PRKAG2: variants seen among roughly 807,000 people sequenced by gnomAD.
PRKAG2 encodes protein kinase AMP-activated non-catalytic subunit gamma 2, also known as 5'-AMP-activated protein kinase subunit gamma-2.
PRKAG2 carries 26 observed loss-of-function variants against 69.6 expected under a neutral mutation model. The observed-to-expected ratio is 0.37, with a 90% CI of 0.27 to 0.52. The LOEUF (loss-of-function observed/expected upper bound fraction) is 0.52. PRKAG2 is among the 20% of genes least tolerant of loss of function. The pLI is 0.90. For missense variants in PRKAG2, 557 were observed against 740.0 expected, an observed-to-expected ratio of 0.75 and a Z score of 2.87; for synonymous variants, 293 against 285.0, an observed-to-expected ratio of 1.03 and a Z score of -0.28.
chr7:151,743,691 C>T (rs1387701177), intron 3 of PRKAG2, among the ~76,000 whole-genome samples: 2 of 152,216 alleles, frequency 1.3e-5, no homozygotes, highest in African/African-American at 4.8e-5. Context: ...AGTTCCTCCA[C>T]GAGACTCAGG....
chr7:151,852,041 GAATGC>G, intron 1 of PRKAG2, among the ~76,000 whole-genome samples: 1 of 152,298 alleles, frequency 6.6e-6, no homozygotes, highest in Middle Eastern at 3.4e-3. Context: ...ATGTCTGGAA[GAATGC>G]CAGCCTCAAA....
At chr7:151,654,441 C>A (rs1829096661) in intron 4 of PRKAG2, among the ~76,000 whole-genome samples, 2 of 152,314 alleles carry the variant, frequency 1.3e-5, no homozygotes, top group Admixed American at 6.5e-5. Context: ...TGCCCCCAAA[C>A]CCTTCCTCCC....
chr7:151,576,981 CTTCT>C (rs539196281), intron 6 of PRKAG2, among the ~76,000 whole-genome samples: 1 of 99,968 alleles, frequency 1.0e-5, no homozygotes, highest in Non-Finnish European at 2.0e-5. Context: ...ATGCAATTAA[CTTCT>C]TTTTTTTTTC....
At chr7:151,574,341 C>A (rs987745840) in intron 8 of PRKAG2, among the ~76,000 whole-genome samples, 3 of 152,198 alleles carry the variant, frequency 2.0e-5, no homozygotes. Context: ...GGTTTTTAAG[C>A]TACGCTCTTT....
intron 3 of PRKAG2, among the ~76,000 whole-genome samples, chr7:151,736,681 G>C (rs1799861583): frequency 6.6e-6 from 1 of 152,188 alleles, no homozygotes; most frequent in South Asian, 2.1e-4. Context: ...GGAAATTGCT[G>C]AATCTACCCT....
intron 3 of PRKAG2, among the ~76,000 whole-genome samples, chr7:151,728,143 G>C (rs1798310677): frequency 6.6e-6 from 1 of 152,128 alleles, no homozygotes; most frequent in Admixed American, 6.5e-5. Flanking sequence ...CAGCACCACT[G>C]TCATGAGACA....
At chr7:151,633,729 C>T (rs1825236534) in intron 4 of PRKAG2, among the ~76,000 whole-genome samples, 1 of 152,072 alleles carries the variant, frequency 6.6e-6, no homozygotes, top group Non-Finnish European at 1.5e-5. Context: ...CTGAAAATCA[C>T]AAACTGTAGA....
intron 1 of PRKAG2, among the ~76,000 whole-genome samples, chr7:151,833,087 A>G (rs1430170032): frequency 1.3e-5 from 2 of 152,220 alleles, no homozygotes; most frequent in Non-Finnish European, 2.9e-5. Flanking sequence ...CTGGCTTTCC[A>G]GTGGAGAGGC....
intron 1 of PRKAG2, among the ~76,000 whole-genome samples, chr7:151,803,810 C>T (rs1017383854): frequency 4.0e-5 from 6 of 150,902 alleles, no homozygotes; most frequent in Non-Finnish European, 5.9e-5. Context: ...TGGTGGTGGG[C>T]GCCTATAGTC....
intron 3 of PRKAG2, among the ~76,000 whole-genome samples, chr7:151,702,935 A>C (rs546638423): frequency 6.6e-6 from 1 of 152,286 alleles, no homozygotes; most frequent in African/African-American, 2.4e-5. Context: ...AACTGGAGCA[A>C]GTAGAGTGAA....
chr7:151,690,607 C>T (rs912664034), intron 3 of PRKAG2, among the ~76,000 whole-genome samples: 2 of 152,214 alleles, frequency 1.3e-5, no homozygotes, highest in African/African-American at 2.4e-5. Flanking sequence ...TACATGTTGC[C>T]TCCATGCAAT....
At chr7:151,673,461 A>C (rs1041311032) in intron 4 of PRKAG2, among the ~76,000 whole-genome samples, 2 of 152,100 alleles carry the variant, frequency 1.3e-5, no homozygotes, top group African/African-American at 2.4e-5. Context: ...GCCACTCATT[A>C]TCCCGGCGAA....
At chr7:151,802,854 C>T (rs1346268636) in intron 1 of PRKAG2, among the ~76,000 whole-genome samples, 1 of 152,040 alleles carries the variant, frequency 6.6e-6, no homozygotes, top group Non-Finnish European at 1.5e-5. Flanking sequence ...CCTCTTTAAT[C>T]CCCCCGTGCC....
chr7:151,569,442 A>G (rs1807043073), intron 10 of PRKAG2, among the ~76,000 whole-genome samples: 1 of 152,226 alleles, frequency 6.6e-6, no homozygotes, highest in African/African-American at 2.4e-5. Context: ...CAAGAGAGCA[A>G]AGGCTGTAGC....
chr7:151,778,424 G>A (rs980944871), intron 3 of PRKAG2, among the ~76,000 whole-genome samples: 2 of 152,180 alleles, frequency 1.3e-5, no homozygotes, highest in Non-Finnish European at 2.9e-5. Flanking sequence ...GCAGAACCAT[G>A]AGCCAAATAA....
Position 151,756,298 on chromosome 7 carries a change from C to T in PRKAG2, c.466+24854G>A, listed in dbSNP as rs2075079979. Among the ~76,000 whole-genome samples, 1 of 152,218 alleles carries T rather than the reference C, an allele frequency of 6.6e-6. No individual in the cohort carries two copies. The highest frequency in any genetic ancestry group is 2.1e-4 in the South Asian group (1 of 4,832). ...CGAAGGAAGTGTGGGTTCCTTTTAACGTAGGAGCCACCAGAGCTTCCCCAG... is the reference window on the plus strand; with the variant it reads ...CGAAGGAAGTGTGGGTTCCTTTTAATGTAGGAGCCACCAGAGCTTCCCCAG... On this transcript the variant is annotated intron_variant, in intron 3 of 15. Transcript: ENST00000287878. The surrounding 1 kb of genome is among the most constrained non-coding windows in gnomAD (Gnocchi z 4.9).
chr7:151,657,147 A>AGG, intron 4 of PRKAG2, among the ~76,000 whole-genome samples: 1 of 130,004 alleles, frequency 7.7e-6, no homozygotes, highest in South Asian at 2.6e-4. Context: ...AAAAAAAAAA[A>AGG]GGGGGGGTGG....
intron 1 of PRKAG2, among the ~76,000 whole-genome samples, chr7:151,874,105 TG>T (rs1447555368): frequency 6.9e-6 from 1 of 145,262 alleles, no homozygotes; most frequent in East Asian, 2.0e-4. Context: ...TATATGTATA[TG>T]ATGTATATGT....
intron 3 of PRKAG2, among the ~76,000 whole-genome samples, chr7:151,680,202 C>G (rs1369974239): frequency 6.6e-6 from 1 of 152,220 alleles, no homozygotes; most frequent in Non-Finnish European, 1.5e-5. Flanking sequence ...AATTCCATTT[C>G]TGGGGCCATA....
Sources: allele counts gnomAD v4.1 joint callset (sites outside exome capture counted in the v4.1 genomes callset), GRCh38; gene constraint gnomAD v4.1.1; non-coding constraint Gnocchi (gnomAD v3.1); transcripts MANE v1.5; gene names NCBI Gene and HGNC (gene_info 2026-07-23, HGNC 2026-07-21).